NDRG2: variants seen among roughly 807,000 people sequenced by gnomAD.
The protein encoded by NDRG2 is protein NDRG2.
In NDRG2, 34 loss-of-function variants were observed where a neutral mutation model predicts 58.2. The observed-to-expected ratio is 0.58, with a 90% CI of 0.44 to 0.78. The LOEUF is 0.78. Among genes scored for constraint, NDRG2 ranks in the 30% least tolerant of loss-of-function variants. The pLI, the probability that NDRG2 is intolerant of heterozygous loss-of-function variation, is 0.00. For missense variants in NDRG2, 434 were observed against 471.2 expected (o/e 0.92, Z 0.73); for synonymous variants, 187 against 175.9 (o/e 1.06, Z -0.50).
intron 3 of NDRG2, 65 bp downstream of exon 3, chr14:21,022,799 C>T: frequency 6.5e-7 from 1 of 1,532,450 alleles, no homozygotes; most frequent in Non-Finnish European, 9.0e-7. Flanking sequence ...CAAGCAGAGG[C>T]CATCCTTCTA....
chr14:21,064,833 A>G (rs919652723), intron 1 of NDRG2, among the ~76,000 whole-genome samples: 57 of 152,282 alleles, frequency 3.7e-4, no homozygotes, highest in South Asian at 2.1e-4. Flanking sequence ...TTCTACTACA[A>G]TAAGCCTACA....
intron 1 of NDRG2, among the ~76,000 whole-genome samples, chr14:21,064,268 A>AGCAAATTTCC (rs1886131628): frequency 6.6e-6 from 1 of 152,124 alleles, no homozygotes; most frequent in Non-Finnish European, 1.5e-5. Context: ...ATTGAGAGTG[A>AGCAAATTTCC]CTAAATGAAT....
chr14:21,021,698 A>G, intron 6 of NDRG2, 119 bp downstream of exon 6: 1 of 1,067,876 alleles, frequency 9.4e-7, no homozygotes, highest in Non-Finnish European at 1.4e-6. Context: ...TGAAGGAAGA[A>G]GATATATTGA....
chr14:21,018,933 C>A, intron 11 of NDRG2, 119 bp from the exon 12 acceptor site: 1 of 1,354,570 alleles, frequency 7.4e-7, no homozygotes, highest in Non-Finnish European at 1.0e-6. Flanking sequence ...TTCTGTGTCT[C>A]CCTGCTGATG....
chr14:21,036,012 G>A (rs1884598028), intron 1 of NDRG2: 4 of 380,940 alleles, frequency 1.1e-5, no homozygotes, highest in South Asian at 2.0e-5. Context: ...TGTTCATGAG[G>A]ATAGTATTTT....
At position 21,022,407 on chromosome 14, in the gene NDRG2, C is replaced by G; in HGVS notation, c.208G>C (p.Asp70His). 6.2e-7 allele frequency: 1 copy of G among 1,613,622 alleles called. No individual in the cohort carries two copies. The highest frequency in any genetic ancestry group is 8.5e-7 in the Non-Finnish European group (1 of 1,179,614). Reference sequence around the variant, plus strand: ...AGGTCCTTACAGTTGAGTCCCACATCGTGGTAGGTAAGGATCGCTGGGCGT... The same window carrying G: ...AGGTCCTTACAGTTGAGTCCCACATGGTGGTAGGTAAGGATCGCTGGGCGT... ...PKRPAILTYH[D>H]VGLNYKSCFQ... Residue 70 changes from aspartate to histidine, a missense_variant, in exon 4 of 16, where the codon GAT (aspartate) becomes CAT (histidine). Coordinates refer to ENST00000556147, the MANE Select transcript of NDRG2 (RefSeq NM_001320329.2).
chr14:21,033,878 G>C, intron 1 of NDRG2: 1 of 1,614,142 alleles, frequency 6.2e-7, no homozygotes, highest in South Asian at 1.1e-5. Context: ...TGCGGGAGCA[G>C]AGTAGGTAGA....
chr14:21,021,681 G>A lies in NDRG2; in HGVS notation c.407+136C>T, dbSNP rs574020428. Reference sequence around the variant, plus strand: ...ACCACCTTTTCTCAATAATCAAGGCGGGAGCATGAAGGAAGAAGATATATT... The same window carrying A: ...ACCACCTTTTCTCAATAATCAAGGCAGGAGCATGAAGGAAGAAGATATATT... On this transcript the variant is annotated intron_variant, in intron 6 of 15. Coordinates refer to ENST00000556147, the MANE Select transcript of NDRG2 (RefSeq NM_001320329.2). 3.4e-5 allele frequency: 32 copies of A among 954,298 alleles called. No homozygotes were observed. In the African/African-American group the frequency reaches 4.0e-4, roughly 12 times the overall value. 59.1% of individuals were successfully genotyped at this position (954,298 alleles called of 1,614,324 possible).
intron 6 of NDRG2, chr14:21,021,286 T>G (rs1880137846): frequency 2.8e-6 from 1 of 363,634 alleles, no homozygotes; most frequent in Non-Finnish European, 5.4e-6. Context: ...AGGAAAAGAG[T>G]GGCAAAGTGG....
chr14:21,033,899 G>A (rs761613658), intron 1 of NDRG2: 1 of 1,614,076 alleles, frequency 6.2e-7, no homozygotes, highest in Non-Finnish European at 8.5e-7. Flanking sequence ...GCTTCTGGTT[G>A]GTTAGGGTGC....
At chr14:21,039,194 G>A (rs970223867) in intron 1 of NDRG2, among the ~76,000 whole-genome samples, 2 of 152,144 alleles carry the variant, frequency 1.3e-5, no homozygotes, top group Non-Finnish European at 2.9e-5. Context: ...CAGCACAGGC[G>A]AGAGGAAGCA....
rs756819053 is a variant in NDRG2, at chr14:21,018,184, T to C, written c.897+20A>G. The stretch of plus-strand genomic sequence containing the variant: ...TATCCTATGTCCCTTCCCCATCCCA[T>C]GGACGGCAGCGGCACTCACCTGAGT... On this transcript the variant is annotated intron_variant, in intron 14 of 15. Transcript: ENST00000556147. 14 of 1,613,626 alleles carry C rather than the reference T, an allele frequency of 8.7e-6. No homozygotes were observed. Among genetic ancestry groups the C allele is most frequent in the East Asian group, 2.2e-5 (1 of 44,880 alleles).
upstream of NDRG2, among the ~76,000 whole-genome samples, chr14:21,027,639 A>G (rs1883784183): frequency 6.6e-6 from 1 of 152,236 alleles, no homozygotes; most frequent in Admixed American, 6.5e-5. Context: ...CTGTCACAAC[A>G]TCTGTAAATG....
chr14:21,019,211 C>A, intron 10 of NDRG2, 51 bp from the exon 11 acceptor site: 1 of 1,484,106 alleles, frequency 6.7e-7, no homozygotes, highest in Non-Finnish European at 9.3e-7. Flanking sequence ...TGCTATCTAA[C>A]CAGATATAAG....
chr14:21,070,741 C>G lies in NDRG2; in HGVS notation c.24+87G>C. 7.0e-7 allele frequency: 1 copy of G among 1,427,660 alleles called. No individual in the cohort carries two copies. The highest frequency in any genetic ancestry group is 9.5e-7 in the Non-Finnish European group (1 of 1,050,848). The allele number at this position is 1,427,660 out of a possible 1,614,324, so 88.4% of individuals were successfully genotyped here. A position where few individuals can be genotyped will look rare whatever the true frequency, so the allele number is the denominator to read the frequency against. On this transcript the variant is annotated intron_variant, in intron 1 of 14. Transcript: ENST00000403829. The surrounding 1 kb of genome is among the most constrained non-coding windows in gnomAD (Gnocchi z 4.7). ...TGGAGCTTCCCTCCCCCTCCTGGTC[C>G]GAGCTCCTTACCCGCGGGAGACCCC...
chr14:21,021,739 C>A lies in NDRG2; in HGVS notation c.407+78G>T, dbSNP rs996408504. 20 of 1,476,898 alleles carry A rather than the reference C, an allele frequency of 1.4e-5. No individual in the cohort carries two copies. The South Asian group carries it at 2.4e-4, about 18-fold the overall frequency. 91.5% of individuals were successfully genotyped at this position (1,476,898 alleles called of 1,614,324 possible). On this transcript the variant is annotated intron_variant, in intron 6 of 15. Transcript: ENST00000556147. The stretch of plus-strand genomic sequence containing the variant: ...GAAGCTGAAACTGGCTCAGGAACCA[C>A]GGTGAACCTGGAAGTTCTAAGGGTC...
chr14:21,050,817 G>C, intron 1 of NDRG2, among the ~76,000 whole-genome samples: 1 of 152,166 alleles, frequency 6.6e-6, no homozygotes, highest in East Asian at 1.9e-4. Context: ...GAAGTATTAA[G>C]GGGTAATGAG....
At chr14:21,044,788 C>T (rs1183693736) in intron 1 of NDRG2, among the ~76,000 whole-genome samples, 1 of 152,166 alleles carries the variant, frequency 6.6e-6, no homozygotes, top group Non-Finnish European at 1.5e-5. Flanking sequence ...CTATTTCAAA[C>T]CCAAATTCAT....
Position 21,022,885 on chromosome 14 carries a change from T to G in NDRG2, c.96A>C (p.Arg32=). 2 of 1,613,936 alleles carry G rather than the reference T, an allele frequency of 1.2e-6. No homozygotes were observed. The highest frequency in any genetic ancestry group is 1.7e-6 in the Non-Finnish European group (2 of 1,179,952). ...TTACCTGTCCCTGGTCCAGGAGGAT[T>G]CGGGCAGCTAACTCAGCCTCCTGGA... is the stretch of plus-strand genomic sequence containing the variant. The part of the protein sequence containing the change: ...EAAKEAELAA[R]ILLDQGQTHS... The change falls in exon 3 of 16, where the codon CGA becomes CGC. Residue 32 remains arginine (R), a synonymous_variant. Coordinates refer to ENST00000556147, the MANE Select transcript of NDRG2 (RefSeq NM_001320329.2).
Sources: allele counts gnomAD v4.1 joint callset (sites outside exome capture counted in the v4.1 genomes callset), GRCh38; gene constraint gnomAD v4.1.1; non-coding constraint Gnocchi (gnomAD v3.1); transcripts MANE v1.5; gene names NCBI Gene and HGNC (gene_info 2026-07-23, HGNC 2026-07-21).